Variants in PTPRQ observed in about 807,000 individuals in gnomAD.
PTPRQ encodes the protein protein tyrosine phosphatase receptor type Q, also known as phosphatidylinositol phosphatase PTPRQ.
A neutral mutation model predicts 246.0 loss-of-function variants in PTPRQ; 199 were observed. The observed-to-expected ratio is 0.81, with a 90% confidence interval of 0.72 to 0.91. The LOEUF (loss-of-function observed/expected upper bound fraction) is 0.91. PTPRQ is among the 40% of genes least tolerant of loss of function. The pLI, the probability that PTPRQ is intolerant of heterozygous loss-of-function variation, is 0.00. For synonymous variants in PTPRQ, 869 were observed against 853.2 expected, an observed-to-expected ratio of 1.02 and a Z score of -0.32; for missense variants, 2,624 against 2,528.4, an observed-to-expected ratio of 1.04 and a Z score of -0.81.
intron 25 of PTPRQ, among the ~76,000 whole-genome samples, chr12:80,575,174 C>T (rs1897249889): frequency 6.6e-6 from 1 of 152,182 alleles, no homozygotes; most frequent in Admixed American, 6.6e-5. Flanking sequence ...TATCTAGTCA[C>T]ACTGAACACT....
intron 41 of PTPRQ, among the ~76,000 whole-genome samples, chr12:80,669,954 A>T (rs1428966502): frequency 6.6e-6 from 1 of 152,062 alleles, no homozygotes; most frequent in Non-Finnish European, 1.5e-5. Context: ...CACACAGAAG[A>T]TGATATAAGG....
chr12:80,536,728 A>G (rs1895999177), intron 19 of PTPRQ, among the ~76,000 whole-genome samples: 1 of 152,202 alleles, frequency 6.6e-6, no homozygotes, highest in African/African-American at 2.4e-5. Context: ...GGGAAGAGAA[A>G]TGGGGCCTAG....
At chr12:80,603,973 C>A (rs1898226486) in intron 26 of PTPRQ, among the ~76,000 whole-genome samples, 1 of 151,516 alleles carries the variant, frequency 6.6e-6, no homozygotes, top group Non-Finnish European at 1.5e-5. Flanking sequence ...TTCATAATTT[C>A]TTTTAAAGCA....
intron 25 of PTPRQ, among the ~76,000 whole-genome samples, chr12:80,554,855 A>C (rs1017329147): frequency 1.3e-5 from 2 of 151,910 alleles, no homozygotes; most frequent in African/African-American, 2.4e-5. Context: ...TGATCCTTCT[A>C]CCTCAGCCTC....
In PTPRQ at chr12:80,588,772, G is replaced by A. The variant is rs190644908; in HGVS notation, c.4609+320G>A. ...ATACTGATTATTATCTAATGCCCTT[G>A]ACCCAGGCCCACATTTTTCCTTCAT... is the stretch of plus-strand genomic sequence containing the variant. On this transcript the variant is annotated intron_variant, in intron 26 of 44. Transcript: ENST00000644991. 1.5e-3 allele frequency among the ~76,000 whole-genome samples: 231 copies of A among 152,228 alleles called. 1 individual carries two copies. The highest frequency in any genetic ancestry group is 4.8e-3 in the South Asian group (23 of 4,828).
At chr12:80,626,813 T>C (rs1899219753) in intron 33 of PTPRQ, among the ~76,000 whole-genome samples, 1 of 152,216 alleles carries the variant, frequency 6.6e-6, no homozygotes, top group African/African-American at 2.4e-5. Context: ...TTGATAGTTT[T>C]AATTATTTCT....
chr12:80,627,867 G>T (rs993262949), intron 33 of PTPRQ, among the ~76,000 whole-genome samples: 2 of 152,072 alleles, frequency 1.3e-5, no homozygotes, highest in African/African-American at 4.8e-5. Flanking sequence ...GCATAACAGT[G>T]AATCAGAAAG....
chr12:80,605,453 A>G (rs1478616280), intron 27 of PTPRQ, among the ~76,000 whole-genome samples: 2 of 151,296 alleles, frequency 1.3e-5, no homozygotes, highest in Non-Finnish European at 3.0e-5. Flanking sequence ...TTATTATAAT[A>G]TGTTTTATCA....
At chr12:80,542,709 T>G in intron 22 of PTPRQ, 21 bp from the exon 23 acceptor site, 2 of 1,523,308 alleles carry the variant, frequency 1.3e-6, no homozygotes, top group Non-Finnish European at 8.8e-7. Flanking sequence ...AATGTAAGTT[T>G]CTTCATGTGT....
At chr12:80,602,275 G>A (rs1339396310) in intron 26 of PTPRQ, among the ~76,000 whole-genome samples, 3 of 151,620 alleles carry the variant, frequency 2.0e-5, no homozygotes, top group African/African-American at 7.3e-5. Flanking sequence ...AAATATTTTT[G>A]GATTGAGTTG....
intron 35 of PTPRQ, among the ~76,000 whole-genome samples, chr12:80,635,932 G>A (rs1400264086): frequency 6.6e-6 from 1 of 152,102 alleles, no homozygotes. Context: ...GGCATCAAAT[G>A]TCTTGGACTC....
chr12:80,602,124 A>G (rs1455593609), intron 26 of PTPRQ, among the ~76,000 whole-genome samples: 1 of 151,748 alleles, frequency 6.6e-6, no homozygotes, highest in Non-Finnish European at 1.5e-5. Flanking sequence ...ATTATTGTAC[A>G]GTTTTCAGAA....
At chr12:80,525,223 C>G (rs530383187) in intron 17 of PTPRQ, among the ~76,000 whole-genome samples, 1 of 152,046 alleles carries the variant, frequency 6.6e-6, no homozygotes, top group African/African-American at 2.4e-5. Context: ...AAGGCATATG[C>G]GGAACTATTG....
intron 17 of PTPRQ, among the ~76,000 whole-genome samples, chr12:80,511,377 G>A (rs1317551821): frequency 2.0e-5 from 3 of 152,090 alleles, no homozygotes; most frequent in Non-Finnish European, 4.4e-5. Flanking sequence ...CTCCCAGTTA[G>A]CGAAAAGGAA....
At chr12:80,607,967 TTA>T (rs1898390105) in intron 27 of PTPRQ, among the ~76,000 whole-genome samples, 1 of 150,778 alleles carries the variant, frequency 6.6e-6, no homozygotes, top group Non-Finnish European at 1.5e-5. Context: ...AAACAGCTAA[TTA>T]TAGAGTTTGA....
chr12:80,493,475 T>C lies in PTPRQ; in HGVS notation c.1540+20T>C, dbSNP rs1894515692. On this transcript the variant is annotated intron_variant, in intron 10 of 44. Coordinates refer to ENST00000644991, the MANE Select transcript of PTPRQ (RefSeq NM_001145026.2). ...CAGTTGGTAGGTAGAATTTTGATTT[T>C]CTATAAAGTTCATTTAAACCACCAG... The C allele has an allele frequency of 6.5e-7, 1 of 1,542,126 alleles. No individual in the cohort carries two copies. The highest frequency in any genetic ancestry group is 1.4e-5 in the African/African-American group (1 of 72,578).
rs376893191 is a variant in PTPRQ at position 80,524,361 on chromosome 12, C to T, written c.2679-9654C>T. The stretch of plus-strand genomic sequence containing the variant: ...TTGGCTTTCATCCTTTCTTGCCTGT[C>T]GCCATTAAGACATGCCTTTTGCCTG... On this transcript the variant is annotated intron_variant, in intron 17 of 44. Transcript: ENST00000644991. Among the ~76,000 whole-genome samples the T allele has an allele frequency of 1.6e-4, 24 of 152,152 alleles. No homozygotes were observed. The East Asian group carries it at 4.1e-3, about 26-fold the overall frequency.
At position 80,492,984 on chromosome 12, in the gene PTPRQ, G is replaced by A. The variant is rs187788744; in HGVS notation, c.1360-291G>A. Among the ~76,000 whole-genome samples the A allele has an allele frequency of 9.2e-5, 14 of 151,938 alleles. 1 individual carries two copies. The East Asian group carries it at 1.7e-3, about 19-fold the overall frequency. On this transcript the variant is annotated intron_variant, in intron 9 of 44. Coordinates refer to ENST00000644991, the MANE Select transcript of PTPRQ (RefSeq NM_001145026.2). ...AGTCATGAAACCTTTGCATGAGGAC[G>A]TCTTATCTTACCATAAAGAAACCAA...
chr12:80,459,310 G>T lies in PTPRQ; in HGVS notation c.487G>T (p.Val163Phe). ...TCCAGGAAAAGTGGTGAATCTCACA[G>T]TTGAGGCCTACAACGCTTCAGCAGT... ...SAPGKVVNLTVEAYNASAVKL... is the reference protein window; with the variant it reads ...SAPGKVVNLTFEAYNASAVKL... Residue 163 changes from valine to phenylalanine, a missense_variant, in exon 5 of 45, where the codon GTT (valine) becomes TTT (phenylalanine). Physicochemically the swap from Val to Phe is conservative, Grantham distance 50. Transcript: ENST00000644991. 2.5e-6 allele frequency: 1 copy of T among 398,416 alleles called. No homozygotes were observed. The highest frequency in any genetic ancestry group is 4.4e-6 in the Non-Finnish European group (1 of 225,936). 24.7% of individuals were successfully genotyped at this position (398,416 alleles called of 1,614,324 possible). A position where few individuals can be genotyped will look rare whatever the true frequency, so the allele number is the denominator to read the frequency against.
Sources: gnomAD v4.1 joint callset for allele counts (sites outside exome capture counted in the v4.1 genomes callset) on GRCh38, gnomAD v4.1.1 for gene constraint, MANE v1.5 for transcripts, NCBI Gene and HGNC (gene_info 2026-07-23, HGNC 2026-07-21) for gene names.